FLT3: variants seen among roughly 807,000 people sequenced by gnomAD.
The protein encoded by FLT3 is receptor-type tyrosine-protein kinase FLT3.
FLT3 carries 46 observed loss-of-function variants against 126.6 expected under a neutral mutation model. That is an observed-to-expected ratio of 0.36 (90% CI 0.29 to 0.46). The LOEUF is 0.46. FLT3 is among the 20% of genes least tolerant of loss of function. The pLI is 1.00. For synonymous variants in FLT3, 404 were observed against 434.4 expected (o/e 0.93, Z 0.87); for missense variants, 1,069 against 1,190.3 (o/e 0.90, Z 1.50).
rs1044875315 is a variant in FLT3, at chr13:28,061,949, C to T, written c.286G>A (p.Asp96Asn). The change falls in exon 3 of 24, where the codon GAC becomes AAC. Residue 96 changes from aspartate to asparagine, a missense_variant. Coordinates refer to ENST00000241453, the MANE Select transcript of FLT3 (RefSeq NM_004119.3). ...SASITLQVLV[D>N]APGNISCLWV... ...AGACAGGAAATGTTCCCTGGGGCGT[C>T]GACCAGCACTTGCAGTGTGATGGAA... is the stretch of plus-strand genomic sequence containing the variant. 1.4e-5 allele frequency: 23 copies of T among 1,613,818 alleles called. 1 individual carries two copies. The highest frequency in any genetic ancestry group is 1.2e-4 in the South Asian group (11 of 91,058).
intron 23 of FLT3, among the ~76,000 whole-genome samples, chr13:28,006,024 C>T (rs963515131): frequency 4.0e-5 from 6 of 151,838 alleles, no homozygotes; most frequent in Non-Finnish European, 8.8e-5. Flanking sequence ...TTTGGGAGGC[C>T]GGGGCGGGAG....
intron 9 of FLT3, among the ~76,000 whole-genome samples, chr13:28,047,545 T>C (rs1340633459): frequency 1.3e-5 from 2 of 151,922 alleles, no homozygotes; most frequent in African/African-American, 4.8e-5. Flanking sequence ...ACCCTGTCTC[T>C]ACCAAAAATA....
chr13:28,021,357 T>C (rs1872369347), intron 19 of FLT3, among the ~76,000 whole-genome samples: 1 of 152,148 alleles, frequency 6.6e-6, no homozygotes, highest in Non-Finnish European at 1.5e-5. Flanking sequence ...ACCCCTGCAC[T>C]CCAGCCTGGG....
chr13:28,086,357 C>A (rs998186363), intron 1 of FLT3, among the ~76,000 whole-genome samples: 6 of 152,134 alleles, frequency 3.9e-5, no homozygotes, highest in Admixed American at 3.9e-4. Context: ...AATACTAGGA[C>A]CTTACACTGG....
In FLT3 at chr13:28,052,593, A is replaced by T. The variant is rs1875616791; in HGVS notation, c.566T>A (p.Val189Asp). 1 of 1,613,886 alleles carries T rather than the reference A, an allele frequency of 6.2e-7. No homozygotes were observed. Among genetic ancestry groups the T allele is most frequent in the Non-Finnish European group, 8.5e-7 (1 of 1,179,828 alleles). The change falls in exon 5 of 24, where the codon GTT becomes GAT. Residue 189 changes from valine to aspartate, a missense_variant. Coordinates refer to ENST00000241453, the MANE Select transcript of FLT3 (RefSeq NM_004119.3). ...CACCCATTCCACGATCGGCTCTGGAACGCTCTCAGATATGCAGACCAGGGC... is the reference window on the plus strand; with the variant it reads ...CACCCATTCCACGATCGGCTCTGGATCGCTCTCAGATATGCAGACCAGGGC... ...QDALVCISES[V>D]PEPIVEWVLC...
Position 28,035,262 on chromosome 13 carries a change from G to C in FLT3, c.1597+233C>G, listed in dbSNP as rs2491226. ...TTTCCATGGAGATTCACCACACTGG[G>C]AGTTTCTGCTTCTCCCGGTCACTGT... is the stretch of plus-strand genomic sequence containing the variant. On this transcript the variant is annotated intron_variant, in intron 12 of 23. Coordinates refer to ENST00000241453, the MANE Select transcript of FLT3 (RefSeq NM_004119.3). 0.62 allele frequency among the ~76,000 whole-genome samples: 93,259 copies of C among 151,580 alleles called. 32,301 individuals are homozygous for C. Among genetic ancestry groups the C allele is most frequent in the Non-Finnish European group, 0.77 (52,322 of 67,788 alleles).
chr13:28,043,556 T>C (rs1874576975), intron 9 of FLT3, among the ~76,000 whole-genome samples: 1 of 152,244 alleles, frequency 6.6e-6, no homozygotes, highest in South Asian at 2.1e-4. Context: ...AAAATCTTGA[T>C]ACATGACTAA....
At chr13:28,099,724 AT>A (rs1023756016) in intron 1 of FLT3, among the ~76,000 whole-genome samples, 7 of 150,674 alleles carry the variant, frequency 4.6e-5, no homozygotes, top group South Asian at 2.1e-4. Context: ...CGATGGGAAG[AT>A]TTTTTTTTTC....
intron 1 of FLT3, among the ~76,000 whole-genome samples, chr13:28,087,523 T>C (rs1384731460): frequency 6.6e-6 from 1 of 152,220 alleles, no homozygotes; most frequent in Non-Finnish European, 1.5e-5. Context: ...GTCATGTGTT[T>C]GAGTTTCACT....
At chr13:28,097,830 T>C (rs1879561910) in intron 1 of FLT3, among the ~76,000 whole-genome samples, 1 of 152,184 alleles carries the variant, frequency 6.6e-6, no homozygotes, top group African/African-American at 2.4e-5. Context: ...AACTCAAATG[T>C]GCAGTTCAAG....
intron 16 of FLT3, 117 bp from the exon 17 acceptor site, chr13:28,027,358 G>A: frequency 1.5e-6 from 1 of 684,748 alleles, no homozygotes; most frequent in Non-Finnish European, 2.3e-6. Flanking sequence ...CTTGGGGACA[G>A]TACAACTTTT....
chr13:28,084,453 C>G (rs979565695), intron 1 of FLT3, among the ~76,000 whole-genome samples: 3 of 152,222 alleles, frequency 2.0e-5, no homozygotes, highest in Non-Finnish European at 4.4e-5. Context: ...TCCCTGGGCT[C>G]AGGTGATTCT....
At chr13:28,022,038 C>T (rs1381919657) in intron 19 of FLT3, among the ~76,000 whole-genome samples, 1 of 151,690 alleles carries the variant, frequency 6.6e-6, no homozygotes, top group Non-Finnish European at 1.5e-5. Flanking sequence ...CGCCCGGCTG[C>T]CTATTTTTTA....
intron 1 of FLT3, among the ~76,000 whole-genome samples, chr13:28,094,237 A>G (rs986732951): frequency 1.3e-5 from 2 of 152,228 alleles, no homozygotes; most frequent in East Asian, 1.9e-4. Flanking sequence ...TAGGAAAAGC[A>G]TAACTCAAAT....
At chr13:28,090,941 C>CA (rs1393275822) in intron 1 of FLT3, among the ~76,000 whole-genome samples, 1 of 151,992 alleles carries the variant, frequency 6.6e-6, no homozygotes, top group Non-Finnish European at 1.5e-5. Flanking sequence ...AAAGAGCTCT[C>CA]AAAGTGGTAC....
intron 23 of FLT3, among the ~76,000 whole-genome samples, chr13:28,012,661 G>A (rs1057407953): frequency 3.9e-5 from 6 of 152,070 alleles, no homozygotes; most frequent in South Asian, 2.1e-4. Flanking sequence ...TTAGCCAGGC[G>A]TGGTGGCTCA....
chr13:28,047,254 CT>C (rs1874965641), intron 9 of FLT3, among the ~76,000 whole-genome samples: 1 of 152,184 alleles, frequency 6.6e-6, no homozygotes, highest in African/African-American at 2.4e-5. Flanking sequence ...AGTCCATTGA[CT>C]TGTTTGAAAG....
chr13:28,067,086 G>A (rs1877102583), intron 2 of FLT3, among the ~76,000 whole-genome samples: 3 of 152,160 alleles, frequency 2.0e-5, no homozygotes, highest in Non-Finnish European at 4.4e-5. Flanking sequence ...TGCAATGCAT[G>A]ATTTCAGCTC....
intron 23 of FLT3, 74 bp downstream of exon 23, chr13:28,014,378 A>C (rs1376512607): frequency 9.0e-7 from 1 of 1,110,962 alleles, no homozygotes; most frequent in African/African-American, 1.5e-5. Context: ...TTTGGTTCAC[A>C]GGAAGACAGC....
Sources: gnomAD v4.1 joint callset for allele counts (sites outside exome capture counted in the v4.1 genomes callset) on GRCh38, gnomAD v4.1.1 for gene constraint, MANE v1.5 for transcripts, NCBI Gene and HGNC (gene_info 2026-07-23, HGNC 2026-07-21) for gene names.